FUT8: variants seen among roughly 807,000 people sequenced by gnomAD.
The protein encoded by FUT8 is fucosyltransferase 8, also known as alpha-(1,6)-fucosyltransferase.
A neutral mutation model predicts 71.3 loss-of-function variants in FUT8; 29 were observed. That is an observed-to-expected ratio of 0.41 (90% CI 0.30 to 0.55). The LOEUF is 0.55. Among genes scored for constraint, FUT8 ranks in the 20% least tolerant of loss-of-function variants. FUT8 has a pLI of 0.34. For missense variants in FUT8, 544 were observed against 702.1 expected (o/e 0.77, Z 2.55); for synonymous variants, 254 against 239.3 (o/e 1.06, Z -0.57).
At chr14:65,407,770 G>A (rs1471607218), upstream of FUT8, among the ~76,000 whole-genome samples, 1 of 152,198 alleles carries the variant, frequency 6.6e-6, no homozygotes, top group Non-Finnish European at 1.5e-5. Flanking sequence ...TTTCAGGAGT[G>A]GTATGACCAC....
intron 2 of FUT8, among the ~76,000 whole-genome samples, chr14:65,534,833 G>T (rs1259868475): frequency 6.6e-6 from 1 of 151,170 alleles, no homozygotes; most frequent in Non-Finnish European, 1.5e-5. Context: ...AGTCTAGCTA[G>T]TGGTCTATGA....
chr14:65,642,590 G>A lies in FUT8; in HGVS notation c.597+12984G>A, dbSNP rs556792650. On this transcript the variant is annotated intron_variant, in intron 6 of 10. Coordinates refer to ENST00000673929, the MANE Select transcript of FUT8 (RefSeq NM_001371533.1). Reference sequence around the variant, plus strand: ...TGCACTCCAGCCTGGGTGACAGAGTGAGACTCCGTCTCAAAAAAAAAAAAA... The same window carrying A: ...TGCACTCCAGCCTGGGTGACAGAGTAAGACTCCGTCTCAAAAAAAAAAAAA... Among the ~76,000 whole-genome samples, 25 of 129,566 alleles carry A rather than the reference G, an allele frequency of 1.9e-4. No homozygotes were observed. In the East Asian group the frequency reaches 5.9e-3, roughly 31 times the overall value. The allele number at this position is 129,566 out of a possible 152,430, so 85.0% of individuals were successfully genotyped here. A position where few individuals can be genotyped will look rare whatever the true frequency, so the allele number is the denominator to read the frequency against.
rs1001476147 is a variant in FUT8 at position 65,669,739 on chromosome 14, T to C, written c.835+259T>C. Among the ~76,000 whole-genome samples, 1 of 152,164 alleles carries C rather than the reference T, an allele frequency of 6.6e-6. No individual in the cohort carries two copies. The highest frequency in any genetic ancestry group is 2.4e-5 in the African/African-American group (1 of 41,440). On this transcript the variant is annotated intron_variant, in intron 7 of 10. Coordinates refer to ENST00000673929, the MANE Select transcript of FUT8 (RefSeq NM_001371533.1). The surrounding 1 kb of genome is among the most constrained non-coding windows in gnomAD (Gnocchi z 4.5). ...TTTTCAGGGAGCATAATTTAATCTTTTAATAATAATGATATGACTTTCACT... is the reference window on the plus strand; with the variant it reads ...TTTTCAGGGAGCATAATTTAATCTTCTAATAATAATGATATGACTTTCACT...
upstream of FUT8, among the ~76,000 whole-genome samples, chr14:65,405,797 C>T (rs1174827543): frequency 6.6e-6 from 1 of 152,188 alleles, no homozygotes; most frequent in Non-Finnish European, 1.5e-5. Flanking sequence ...TGAGTTTCTC[C>T]ACTTGGCAAA....
chr14:65,527,655 C>G (rs1400047766), intron 2 of FUT8, among the ~76,000 whole-genome samples: 2 of 152,138 alleles, frequency 1.3e-5, no homozygotes, highest in African/African-American at 4.8e-5. Context: ...CTTTTCTGCT[C>G]TGTTTTTTCC....
intron 2 of FUT8, among the ~76,000 whole-genome samples, chr14:65,541,369 C>T (rs1336051899): frequency 6.6e-6 from 1 of 152,156 alleles, no homozygotes; most frequent in Non-Finnish European, 1.5e-5. Context: ...ACAGGAAAGC[C>T]AGTGGTGTGA....
chr14:65,487,564 CAAAAAAAAAAA>C (rs745645710), intron 2 of FUT8, among the ~76,000 whole-genome samples: 3 of 64,456 alleles, frequency 4.7e-5, no homozygotes, highest in African/African-American at 1.0e-4. Context: ...GACTCCGTCT[CAAAAAAAAAAA>C]AAAAAAAAAA....
chr14:65,720,057 G>A (rs1257096134), intron 7 of FUT8, among the ~76,000 whole-genome samples: 1 of 152,224 alleles, frequency 6.6e-6, no homozygotes, highest in Non-Finnish European at 1.5e-5. Context: ...CAGCAAGCAA[G>A]TTCCCCTGGG....
Position 65,742,236 on chromosome 14 carries a change from A to C in FUT8, c.1554A>C (p.Ala518=), listed in dbSNP as rs1896539501. ...TTTATGCTCACCAACCCCGAACTGCAGATGAAATTCCCATGGAACCTGGAG... is the reference window on the plus strand; with the variant it reads ...TTTATGCTCACCAACCCCGAACTGCCGATGAAATTCCCATGGAACCTGGAG... The part of the protein sequence containing the change: ...IAIYAHQPRT[A]DEIPMEPGDI... The change falls in exon 11 of 11, where the codon GCA becomes GCC. Residue 518 remains alanine (A), a synonymous_variant. Transcript: ENST00000673929. 6.2e-6 allele frequency: 10 copies of C among 1,613,168 alleles called. No homozygotes were observed. The highest frequency in any genetic ancestry group is 8.5e-6 in the Non-Finnish European group (10 of 1,179,416).
intron 1 of FUT8, among the ~76,000 whole-genome samples, chr14:65,421,216 A>T (rs2065289150): frequency 7.4e-6 from 1 of 135,754 alleles, no homozygotes; most frequent in Non-Finnish European, 1.6e-5. Flanking sequence ...AAAAAAAAAA[A>T]TCATAAGGAA....
At chr14:65,486,173 C>T (rs145104590) in intron 2 of FUT8, among the ~76,000 whole-genome samples, 109 of 152,216 alleles carry the variant, frequency 7.2e-4, no homozygotes, top group Non-Finnish European at 1.3e-3. Flanking sequence ...CTATTATATA[C>T]AAATTGTATT....
chr14:65,361,377 TATA>T, the FUT8 span, among the ~76,000 whole-genome samples: 5 of 147,276 alleles, frequency 3.4e-5, no homozygotes, highest in Admixed American at 6.7e-5. Context: ...AAAAAAGCTC[TATA>T]AATGTAAGGA....
At chr14:65,439,599 A>G (rs996262791) in intron 1 of FUT8, among the ~76,000 whole-genome samples, 15 of 152,136 alleles carry the variant, frequency 9.9e-5, no homozygotes, top group Non-Finnish European at 2.1e-4. Context: ...CCTAGCTGGT[A>G]CATAATTCAT....
At chr14:65,381,984 A>G in the FUT8 span, among the ~76,000 whole-genome samples, 2 of 152,314 alleles carry the variant, frequency 1.3e-5, no homozygotes, top group South Asian at 2.1e-4. Flanking sequence ...GCCTATTGCA[A>G]CTTGGCTTCT....
chr14:65,629,379 TGTCAA>T (rs1890057829), intron 5 of FUT8, 108 bp from the exon 6 acceptor site: 2 of 640,668 alleles, frequency 3.1e-6, no homozygotes, highest in South Asian at 4.4e-5. Flanking sequence ...TGAGTACCAG[TGTCAA>T]TGCGAGCATC....
the FUT8 span, among the ~76,000 whole-genome samples, chr14:65,399,925 T>C: frequency 1.3e-5 from 2 of 152,244 alleles, no homozygotes; most frequent in African/African-American, 4.8e-5. Flanking sequence ...CTTCATTCAT[T>C]CATTCACTCA....
intron 2 of FUT8, among the ~76,000 whole-genome samples, chr14:65,529,912 G>A (rs945134648): frequency 8.6e-5 from 13 of 151,286 alleles, no homozygotes; most frequent in Non-Finnish European, 1.6e-4. Flanking sequence ...TGAGGACTCT[G>A]TCTTGCCTGT....
At chr14:65,399,518 T>A in the FUT8 span, among the ~76,000 whole-genome samples, 1 of 152,154 alleles carries the variant, frequency 6.6e-6, no homozygotes, top group South Asian at 2.1e-4. Context: ...AGTTGTTGGA[T>A]CACTTGCCAT....
At chr14:65,685,337 A>C (rs1893232670) in intron 7 of FUT8, among the ~76,000 whole-genome samples, 2 of 152,226 alleles carry the variant, frequency 1.3e-5, no homozygotes, top group African/African-American at 4.8e-5. Context: ...AGAATAATGC[A>C]GTCAACTCTC....
Sources: allele counts gnomAD v4.1 joint callset (sites outside exome capture counted in the v4.1 genomes callset), GRCh38; gene constraint gnomAD v4.1.1; non-coding constraint Gnocchi (gnomAD v3.1); transcripts MANE v1.5; gene names NCBI Gene and HGNC (gene_info 2026-07-23, HGNC 2026-07-21).